BTBD9: variants seen among roughly 807,000 people sequenced by gnomAD.
BTBD9 encodes BTB domain containing 9, also known as BTB/POZ domain-containing protein 9.
BTBD9 carries 49 observed loss-of-function variants against 64.3 expected under a neutral mutation model. That is an observed-to-expected ratio of 0.76 (90% confidence interval 0.61 to 0.97). The LOEUF is 0.97. BTBD9 is among the 50% of genes least tolerant of loss of function. BTBD9 has a pLI of 0.00. For missense variants in BTBD9, 598 were observed against 762.1 expected, an observed-to-expected ratio of 0.78 and a Z score of 2.53; for synonymous variants, 260 against 274.7, an observed-to-expected ratio of 0.95 and a Z score of 0.53.
intron 7 of BTBD9, among the ~76,000 whole-genome samples, chr6:38,293,338 C>CA (rs1762032785): frequency 6.6e-6 from 1 of 151,896 alleles, no homozygotes; most frequent in Admixed American, 6.6e-5. Flanking sequence ...CACATGGAAC[C>CA]AAAAAAGAGC....
chr6:38,432,320 A>C (rs563945603), intron 6 of BTBD9, among the ~76,000 whole-genome samples: 28 of 152,120 alleles, frequency 1.8e-4, no homozygotes, highest in South Asian at 1.2e-3. Context: ...GGCTGACTTC[A>C]TCTTGCCTCT....
chr6:38,285,806 C>T (rs1211385937), intron 8 of BTBD9, among the ~76,000 whole-genome samples: 1 of 152,082 alleles, frequency 6.6e-6, no homozygotes, highest in Admixed American at 6.5e-5. Flanking sequence ...ATCTCAGAGA[C>T]ACGATTGGTA....
chr6:38,591,660 G>C (rs537194514), intron 4 of BTBD9, among the ~76,000 whole-genome samples: 1 of 152,274 alleles, frequency 6.6e-6, no homozygotes, highest in African/African-American at 2.4e-5. Context: ...CTCTGTTTCA[G>C]TTTCCTCATT....
intron 6 of BTBD9, among the ~76,000 whole-genome samples, chr6:38,400,839 A>T (rs1766896198): frequency 1.3e-5 from 2 of 152,202 alleles, no homozygotes; most frequent in Admixed American, 1.3e-4. Context: ...TAGGTTAGGA[A>T]TTCTCATGTG....
chr6:38,403,102 G>A (rs1767010050), intron 6 of BTBD9, among the ~76,000 whole-genome samples: 1 of 134,866 alleles, frequency 7.4e-6, no homozygotes, highest in African/African-American at 3.2e-5. Flanking sequence ...GGGAAGGGAG[G>A]GGAGAAGAAG....
chr6:38,471,644 C>T (rs971462489), intron 6 of BTBD9, among the ~76,000 whole-genome samples: 2 of 152,086 alleles, frequency 1.3e-5, no homozygotes, highest in African/African-American at 4.8e-5. Flanking sequence ...CTCAGCCTCC[C>T]AAAGGGCTGG....
rs1561831484 is a variant in BTBD9 at position 38,175,501 on chromosome 6, CTTTTT to C, written c.1642-324_1642-320del. On this transcript the variant is annotated intron_variant, in intron 10 of 10. Transcript: ENST00000481247. ...ACCTTTGTCTAATGGGCTCTTTTTT[CTTTTT>C]TAATTAATTTTTGTATTTGGCAGTT... 2.6e-5 allele frequency among the ~76,000 whole-genome samples: 4 copies of C among 152,080 alleles called. No homozygotes were observed. The South Asian group carries it at 8.3e-4, about 31-fold the overall frequency.
intron 7 of BTBD9, among the ~76,000 whole-genome samples, chr6:38,328,397 C>T (rs190138719): frequency 6.6e-6 from 1 of 152,190 alleles, no homozygotes; most frequent in East Asian, 1.9e-4. Context: ...CACCACAGGC[C>T]ACTCAGACAG....
chr6:38,464,688 G>A (rs1770262618), intron 6 of BTBD9, among the ~76,000 whole-genome samples: 1 of 152,098 alleles, frequency 6.6e-6, no homozygotes, highest in Admixed American at 6.5e-5. Context: ...TAGAGATGGG[G>A]TTTCACCAAG....
intron 5 of BTBD9, 129 bp downstream of exon 5, chr6:38,580,089 C>A: frequency 1.2e-6 from 1 of 856,824 alleles, no homozygotes; most frequent in South Asian, 2.1e-5. Flanking sequence ...TCCCCAAAAC[C>A]AACCTTCAAG....
chr6:38,287,105 A>AAAAAC (rs1554135407), intron 8 of BTBD9, among the ~76,000 whole-genome samples: 1 of 100,242 alleles, frequency 1.0e-5, no homozygotes, highest in African/African-American at 4.1e-5. Context: ...AAAAAAAAAA[A>AAAAAC]ATATACACAC....
chr6:38,593,338 T>G (rs1776892715), intron 3 of BTBD9, among the ~76,000 whole-genome samples: 1 of 151,984 alleles, frequency 6.6e-6, no homozygotes, highest in Admixed American at 6.6e-5. Context: ...TAGAAAAAAA[T>G]GAAATAGGAT....
At chr6:38,269,221 T>C (rs574744246) in intron 8 of BTBD9, among the ~76,000 whole-genome samples, 50 of 152,284 alleles carry the variant, frequency 3.3e-4, no homozygotes, top group African/African-American at 1.2e-3. Context: ...TCTCCACCAG[T>C]ATATAAAGGT....
chr6:38,266,605 G>GGAAAGAAAGGAAGAAA (rs1764986797), intron 8 of BTBD9, among the ~76,000 whole-genome samples: 1 of 107,192 alleles, frequency 9.3e-6, no homozygotes, highest in Admixed American at 1.1e-4. Flanking sequence ...AGGAAAGAAA[G>GGAAAGAAAGGAAGAAA]GAAAGAAAGA....
In BTBD9 at chr6:38,552,477, A is replaced by T. The variant is rs539634328; in HGVS notation, c.1154+25123T>A. Among the ~76,000 whole-genome samples, 23 of 152,296 alleles carry T rather than the reference A, an allele frequency of 1.5e-4. 1 individual carries two copies. The South Asian group carries it at 4.8e-3, about 32-fold the overall frequency. ...TGGCAAGGCTGGCCCAATCTCAAAG[A>T]TTAATGAAAAAATAAAAATGGGCCG... On this transcript the variant is annotated intron_variant, in intron 6 of 10. Transcript: ENST00000481247.
At chr6:38,605,973 A>C (rs1444783076) in intron 1 of BTBD9, among the ~76,000 whole-genome samples, 2 of 152,240 alleles carry the variant, frequency 1.3e-5, no homozygotes, top group Non-Finnish European at 2.9e-5. Flanking sequence ...CCATCTAATC[A>C]GCTGCCAGCA....
rs1562293197 is a variant in BTBD9 at position 38,522,362 on chromosome 6, G to GGT, written c.1154+55237_1154+55238insAC. 6.5e-4 allele frequency among the ~76,000 whole-genome samples: 99 copies of GGT among 152,016 alleles called. 1 individual carries two copies. The highest frequency in any genetic ancestry group is 2.2e-3 in the African/African-American group (90 of 41,464). ...TCACATTTATACTTCTCAAATTAAAGTCCCTATACTCTACTGAAACTTCAC... is the reference window on the plus strand; with the variant it reads ...TCACATTTATACTTCTCAAATTAAAGGTTCCCTATACTCTACTGAAACTTCAC... On this transcript the variant is annotated intron_variant, in intron 6 of 10. Coordinates refer to ENST00000481247, the MANE Select transcript of BTBD9 (RefSeq NM_001099272.2).
intron 6 of BTBD9, among the ~76,000 whole-genome samples, chr6:38,554,275 C>T (rs1774928700): frequency 6.6e-6 from 1 of 152,178 alleles, no homozygotes; most frequent in African/African-American, 2.4e-5. Flanking sequence ...TATAGACAGC[C>T]ACACAAATCC....
intron 8 of BTBD9, among the ~76,000 whole-genome samples, chr6:38,266,180 C>A (rs556938905): frequency 6.6e-6 from 1 of 152,346 alleles, no homozygotes; most frequent in African/African-American, 2.4e-5. Context: ...CAATCTTTTA[C>A]AGATTATTTA....
Sources: allele counts gnomAD v4.1 joint callset (sites outside exome capture counted in the v4.1 genomes callset), GRCh38; gene constraint gnomAD v4.1.1; transcripts MANE v1.5; gene names NCBI Gene and HGNC (gene_info 2026-07-23, HGNC 2026-07-21).